FOXP1: variants seen among roughly 807,000 people sequenced by gnomAD.
The protein encoded by FOXP1 is forkhead box protein P1.
FOXP1 carries 15 observed loss-of-function variants against 98.2 expected under a neutral mutation model. That is an observed-to-expected ratio of 0.15 (90% CI 0.10 to 0.24). The LOEUF (loss-of-function observed/expected upper bound fraction) is 0.24, where lower values mean the gene tolerates loss of function less well. Among genes scored for constraint, FOXP1 ranks in the 10% least tolerant of loss-of-function variants. The probability of loss-of-function intolerance (pLI) is 1.00; values close to 1 mark genes in which losing one functional copy is unlikely to be tolerated. For missense variants in FOXP1, 633 were observed against 848.5 expected, an observed-to-expected ratio of 0.75 and a Z score of 3.15; for synonymous variants, 371 against 314.5, an observed-to-expected ratio of 1.18 and a Z score of -1.90.
chr3:70,966,357 A>T (rs1045780761), intron 19 of FOXP1: 3 of 408,252 alleles, frequency 7.3e-6, no homozygotes, highest in Admixed American at 7.1e-5. Context: ...TATGAGGTTT[A>T]TGTCGGATGC....
At chr3:71,063,564 G>C (rs1335688107) in intron 7 of FOXP1, among the ~76,000 whole-genome samples, 2 of 152,180 alleles carry the variant, frequency 1.3e-5, no homozygotes, top group Admixed American at 1.3e-4. Flanking sequence ...AATGCCACTT[G>C]CTTTAAACTT....
At chr3:71,311,161 T>G (rs916623239) in intron 4 of FOXP1, among the ~76,000 whole-genome samples, 4 of 152,196 alleles carry the variant, frequency 2.6e-5, no homozygotes, top group African/African-American at 9.7e-5. Flanking sequence ...CATGACTCAC[T>G]GCAGCCTGGA....
At chr3:70,965,828 C>G in intron 20 of FOXP1, 62 bp downstream of exon 20, 1 of 1,526,614 alleles carries the variant, frequency 6.6e-7, no homozygotes, top group Non-Finnish European at 9.1e-7. Flanking sequence ...GGCTGTCTCC[C>G]TGCGTGTACC....
intron 3 of FOXP1, among the ~76,000 whole-genome samples, chr3:71,489,820 A>G (rs1214061982): frequency 2.0e-5 from 3 of 152,184 alleles, no homozygotes; most frequent in Non-Finnish European, 4.4e-5. Flanking sequence ...TGACCTTAAA[A>G]AGTTGGCCAT....
chr3:71,073,325 T>C (rs758443631), intron 7 of FOXP1, among the ~76,000 whole-genome samples: 6 of 152,216 alleles, frequency 3.9e-5, no homozygotes, highest in African/African-American at 9.6e-5. Flanking sequence ...CTTTGTTCTC[T>C]GCTTACACCC....
chr3:71,033,567 G>GT (rs1244120885), intron 11 of FOXP1, among the ~76,000 whole-genome samples: 9 of 132,720 alleles, frequency 6.8e-5, no homozygotes, highest in Admixed American at 4.8e-4. Flanking sequence ...AATGGCTGAG[G>GT]TTTTTTTGTT....
At chr3:71,253,853 A>T (rs897799354) in intron 5 of FOXP1, among the ~76,000 whole-genome samples, 3 of 152,236 alleles carry the variant, frequency 2.0e-5, no homozygotes, top group African/African-American at 7.2e-5. Context: ...CATTTAAAAA[A>T]ATGTTATACA....
At chr3:71,081,242 G>T (rs913496058) in intron 7 of FOXP1, among the ~76,000 whole-genome samples, 1 of 152,022 alleles carries the variant, frequency 6.6e-6, no homozygotes, top group Non-Finnish European at 1.5e-5. Flanking sequence ...AACTGAAATG[G>T]CCCAAGGTAT....
In FOXP1 at chr3:71,428,138, G is replaced by A. The variant is rs562848438; in HGVS notation, c.-168+65288C>T. 7.4e-4 allele frequency among the ~76,000 whole-genome samples: 112 copies of A among 152,234 alleles called. 1 individual carries two copies. The highest frequency in any genetic ancestry group is 2.5e-3 in the African/African-American group (104 of 41,528). On this transcript the variant is annotated intron_variant, in intron 3 of 20. Coordinates refer to ENST00000649528, the MANE Select transcript of FOXP1 (RefSeq NM_001349338.3). Reference sequence around the variant, plus strand: ...ATAAGGGAAGAGCCCTTTTCCTCCCGTAGGAGGGTGAGACTGTCCCATCTA... The same window carrying A: ...ATAAGGGAAGAGCCCTTTTCCTCCCATAGGAGGGTGAGACTGTCCCATCTA...
At chr3:71,051,478 G>A (rs1402494802) in intron 9 of FOXP1, among the ~76,000 whole-genome samples, 2 of 152,164 alleles carry the variant, frequency 1.3e-5, no homozygotes, top group Non-Finnish European at 2.9e-5. Context: ...AATTAGCACA[G>A]CCCAGCATCC....
chr3:71,472,999 A>C (rs1484720674), intron 3 of FOXP1, among the ~76,000 whole-genome samples: 1 of 152,190 alleles, frequency 6.6e-6, no homozygotes, highest in Admixed American at 6.5e-5. Flanking sequence ...TAACTTATGA[A>C]AGGGCCAGAC....
In FOXP1 at chr3:70,970,766, G is replaced by A. The variant is rs1559596477; in HGVS notation, c.1692C>T (p.Ala564=). 2 of 1,614,072 alleles carry A rather than the reference G, an allele frequency of 1.2e-6. No homozygotes were observed. Among genetic ancestry groups the A allele is most frequent in the South Asian group, 1.1e-5 (1 of 91,080 alleles). Residue 564 remains alanine (A), a synonymous_variant, in exon 19 of 21, where the codon GCC becomes GCT. Transcript: ENST00000649528. ...AAGCTGCATTGAGAGGTGTGCAGTA[G>A]GCGTGGCTGCTCTGCATGTTTTTAA... ...SLIKNMQSSH[A]YCTPLNAALQ...
At chr3:71,417,147 G>T (rs762679541) in intron 3 of FOXP1, among the ~76,000 whole-genome samples, 1 of 152,216 alleles carries the variant, frequency 6.6e-6, no homozygotes, top group Non-Finnish European at 1.5e-5. Context: ...CACAGGTGGA[G>T]CTGCGGCTGG....
At chr3:71,370,138 C>T (rs1052102968) in intron 3 of FOXP1, among the ~76,000 whole-genome samples, 2 of 152,154 alleles carry the variant, frequency 1.3e-5, no homozygotes, top group Non-Finnish European at 2.9e-5. Context: ...GCACAAATAC[C>T]AGGCCTGAAA....
chr3:71,089,035 C>T (rs1477328478), intron 7 of FOXP1, among the ~76,000 whole-genome samples: 2 of 152,186 alleles, frequency 1.3e-5, no homozygotes, highest in East Asian at 1.9e-4. Flanking sequence ...AACAATTACA[C>T]TGACTTGCTC....
intron 8 of FOXP1, among the ~76,000 whole-genome samples, chr3:71,053,220 C>T (rs951646003): frequency 4.6e-5 from 7 of 152,090 alleles, no homozygotes; most frequent in Non-Finnish European, 8.8e-5. Flanking sequence ...TTCTAGAATG[C>T]TTCTTTATGT....
chr3:71,033,336 G>A (rs1302062130), intron 11 of FOXP1, among the ~76,000 whole-genome samples: 1 of 152,154 alleles, frequency 6.6e-6, no homozygotes, highest in Non-Finnish European at 1.5e-5. Flanking sequence ...GCCTGTGGCT[G>A]AGATTCATAT....
chr3:71,127,684 A>G (rs2059309988), intron 6 of FOXP1, among the ~76,000 whole-genome samples: 1 of 152,236 alleles, frequency 6.6e-6, no homozygotes, highest in African/African-American at 2.4e-5. Flanking sequence ...CTGAGCATTA[A>G]ATACAGACAC....
chr3:71,546,480 C>T (rs564734765), intron 2 of FOXP1, among the ~76,000 whole-genome samples: 2 of 152,200 alleles, frequency 1.3e-5, no homozygotes, highest in East Asian at 1.9e-4. Context: ...AGAAACTTTT[C>T]GATGATGGAA....
Sources: gnomAD v4.1 joint callset for allele counts (sites outside exome capture counted in the v4.1 genomes callset) on GRCh38, gnomAD v4.1.1 for gene constraint, MANE v1.5 for transcripts, NCBI Gene and HGNC (gene_info 2026-07-23, HGNC 2026-07-21) for gene names.